Variants in NAA16 observed in about 807,000 individuals in gnomAD.
NAA16 encodes the protein NARG1-like protein.
Under a neutral mutation model 110.3 loss-of-function variants are expected in NAA16, and 97 were observed. That is an observed-to-expected ratio of 0.88 (90% CI 0.75 to 1.04). The LOEUF (loss-of-function observed/expected upper bound fraction) is 1.04, where lower values mean the gene tolerates loss of function less well. Ranked by LOEUF, NAA16 falls within the 50% of genes least tolerant of loss-of-function variation. The probability of loss-of-function intolerance (pLI) is 0.00; values close to 1 mark genes in which losing one functional copy is unlikely to be tolerated. For missense variants in NAA16, 1,017 were observed against 1,005.1 expected (o/e 1.01, Z -0.16); for synonymous variants, 372 against 330.6 (o/e 1.13, Z -1.36).
chr13:41,352,063 C>T (rs913146596), intron 9 of NAA16, among the ~76,000 whole-genome samples: 19 of 152,218 alleles, frequency 1.2e-4, no homozygotes, highest in Admixed American at 7.2e-4. Context: ...ACCATAAGGC[C>T]AGGGCTGGTG....
At chr13:41,349,609 A>T (rs2042773424) in intron 9 of NAA16, among the ~76,000 whole-genome samples, 1 of 152,116 alleles carries the variant, frequency 6.6e-6, no homozygotes, top group Admixed American at 6.5e-5. Context: ...ATAATTAGTA[A>T]AATTAGTTTA....
chr13:41,375,320 A>T, intron 19 of NAA16, 85 bp from the exon 20 acceptor site: 1 of 924,038 alleles, frequency 1.1e-6, no homozygotes, highest in East Asian at 2.6e-5. Flanking sequence ...TCTCAATTTA[A>T]CACATTGCAT....
chr13:41,364,142 T>C (rs2043165906), intron 13 of NAA16, among the ~76,000 whole-genome samples: 1 of 152,116 alleles, frequency 6.6e-6, no homozygotes, highest in South Asian at 2.1e-4. Context: ...GCCTGTGTCT[T>C]AAATATTTTA....
rs764176083 is a variant in NAA16 at position 41,325,832 on chromosome 13, T to G, written c.672T>G (p.Leu224=). The change falls in exon 6 of 20, where the codon CTT becomes CTG. Residue 224 remains leucine (L), a synonymous_variant. Transcript: ENST00000379406. ...EMYEKQICDK[L]LVEEIKGEIL... is the part of the protein sequence containing the mutation. ...ATGAGAAACAAATATGTGATAAACT[T>G]TTGGTGGAAGAAATTAAAGGTAAGT... 1 of 1,600,250 alleles carries G rather than the reference T, an allele frequency of 6.2e-7. No homozygotes were observed. Among genetic ancestry groups the G allele is most frequent in the East Asian group, 2.2e-5 (1 of 44,538 alleles).
intron 8 of NAA16, among the ~76,000 whole-genome samples, chr13:41,334,659 A>T (rs1303258840): frequency 6.6e-6 from 1 of 152,204 alleles, no homozygotes; most frequent in Non-Finnish European, 1.5e-5. Flanking sequence ...AATAATAAGT[A>T]ATCTGGGGAT....
At chr13:41,319,129 C>T (rs530700239) in intron 3 of NAA16, among the ~76,000 whole-genome samples, 13 of 152,086 alleles carry the variant, frequency 8.5e-5, no homozygotes, top group Non-Finnish European at 1.8e-4. Flanking sequence ...GTTCCCTACC[C>T]CGTGTTTATT....
intron 12 of NAA16, among the ~76,000 whole-genome samples, chr13:41,359,659 C>T (rs1593512571): frequency 6.6e-6 from 1 of 152,186 alleles, no homozygotes; most frequent in Non-Finnish European, 1.5e-5. Flanking sequence ...CAATATCCCT[C>T]TCTGTCACTG....
chr13:41,313,345 C>G (rs1221927617), intron 1 of NAA16, among the ~76,000 whole-genome samples: 1 of 152,170 alleles, frequency 6.6e-6, no homozygotes, highest in East Asian at 1.9e-4. Context: ...CAGATGTGAG[C>G]TACTGTGCTC....
chr13:41,320,551 A>G (rs992301329), intron 3 of NAA16, 116 bp from the exon 4 acceptor site: 11 of 1,007,494 alleles, frequency 1.1e-5, no homozygotes, highest in Non-Finnish European at 1.5e-5. Flanking sequence ...CAGACTCCAG[A>G]TCATTCTGAA....
At chr13:41,321,309 A>C (rs183715830) in intron 4 of NAA16, among the ~76,000 whole-genome samples, 7 of 152,022 alleles carry the variant, frequency 4.6e-5, no homozygotes, top group African/African-American at 1.4e-4. Flanking sequence ...AAAACAAAAC[A>C]AAAAAAACTG....
intron 19 of NAA16, among the ~76,000 whole-genome samples, chr13:41,375,137 A>C (rs1407768796): frequency 2.0e-5 from 3 of 152,228 alleles, no homozygotes; most frequent in Admixed American, 2.0e-4. Flanking sequence ...AATGTGGGCT[A>C]TTTTTGTTAG....
intron 15 of NAA16, 134 bp downstream of exon 15, chr13:41,369,417 ATTATCT>A: frequency 1.1e-6 from 1 of 930,210 alleles, no homozygotes; most frequent in Non-Finnish European, 1.5e-6. Flanking sequence ...ATAGCCGTCA[ATTATCT>A]TTGAGTGACA....
chr13:41,364,509 T>C (rs554590810), intron 13 of NAA16, among the ~76,000 whole-genome samples: 6 of 152,288 alleles, frequency 3.9e-5, no homozygotes, highest in South Asian at 2.1e-4. Context: ...CTTCAAAATA[T>C]TAGATTTAAA....
intron 8 of NAA16, among the ~76,000 whole-genome samples, chr13:41,335,514 A>G (rs1021051575): frequency 2.0e-5 from 3 of 152,156 alleles, no homozygotes; most frequent in Non-Finnish European, 2.9e-5. Context: ...CTCTGAAACT[A>G]TTTTTGATTT....
intron 15 of NAA16, among the ~76,000 whole-genome samples, chr13:41,370,977 T>A (rs2043304853): frequency 6.6e-6 from 1 of 152,180 alleles, no homozygotes; most frequent in African/African-American, 2.4e-5. Flanking sequence ...CCTGCTGGTG[T>A]CCAGATGTTG....
intron 6 of NAA16, among the ~76,000 whole-genome samples, chr13:41,327,198 T>C (rs1203602458): frequency 2.0e-5 from 3 of 152,152 alleles, no homozygotes; most frequent in Non-Finnish European, 4.4e-5. Context: ...TTAGTTTTTA[T>C]TGTAATTCAT....
Position 41,352,615 on chromosome 13 carries a change from A to G in NAA16, c.1015-2529A>G, listed in dbSNP as rs368998140. Among the ~76,000 whole-genome samples, 54 of 152,250 alleles carry G rather than the reference A, an allele frequency of 3.5e-4. 1 individual carries two copies. Among genetic ancestry groups the G allele is most frequent in the African/African-American group, 1.1e-3 (45 of 41,552 alleles). ...GGTTGCAGTGAGCTGAGATCACACC[A>G]CTGTACTCCAGCCTAGGCAACAGAG... On this transcript the variant is annotated intron_variant, in intron 9 of 19. Transcript: ENST00000379406.
intron 8 of NAA16, among the ~76,000 whole-genome samples, chr13:41,331,930 T>C (rs1359362961): frequency 1.3e-5 from 2 of 152,184 alleles, no homozygotes; most frequent in Non-Finnish European, 2.9e-5. Context: ...TAATATGTAT[T>C]GGTAGAAAAA....
chr13:41,311,272 G>A lies in NAA16; in HGVS notation c.-257G>A, dbSNP rs2041541922. ...CGGACCCTGGCTGCCATCTTGCAGT[G>A]CGCGGGAACCGCCGCCGCCGCCGCT... On this transcript the variant is annotated 5_prime_UTR_variant, in exon 1 of 20. Coordinates refer to ENST00000379406, the MANE Select transcript of NAA16 (RefSeq NM_024561.5). 3.6e-6 allele frequency: 2 copies of A among 553,850 alleles called. No homozygotes were observed. The highest frequency in any genetic ancestry group is 6.3e-6 in the Non-Finnish European group (2 of 316,890). The allele number at this position is 553,850 out of a possible 1,614,324, so 34.3% of individuals were successfully genotyped here. A position where few individuals can be genotyped will look rare whatever the true frequency, so the allele number is the denominator to read the frequency against.
Sources: gnomAD v4.1 joint callset for allele counts (sites outside exome capture counted in the v4.1 genomes callset) on GRCh38, gnomAD v4.1.1 for gene constraint, MANE v1.5 for transcripts, NCBI Gene and HGNC (gene_info 2026-07-23, HGNC 2026-07-21) for gene names.